SPTLC3: variants seen among roughly 807,000 people sequenced by gnomAD.
The protein encoded by SPTLC3 is serine palmitoyltransferase 3.
Under a neutral mutation model 59.3 loss-of-function variants are expected in SPTLC3, and 36 were observed. The ratio of observed to expected loss-of-function variants is 0.61; its 90% CI spans 0.47 to 0.80. The LOEUF is 0.80. Among genes scored for constraint, SPTLC3 ranks in the 30% least tolerant of loss-of-function variants. The pLI, the probability that SPTLC3 is intolerant of heterozygous loss-of-function variation, is 0.00. For synonymous variants in SPTLC3, 257 were observed against 240.8 expected, an observed-to-expected ratio of 1.07 and a Z score of -0.62; for missense variants, 625 against 685.1, an observed-to-expected ratio of 0.91 and a Z score of 0.98.
chr20:13,037,724 G>C (rs1986797488), intron 1 of SPTLC3, among the ~76,000 whole-genome samples: 1 of 152,102 alleles, frequency 6.6e-6, no homozygotes, highest in Non-Finnish European at 1.5e-5. Flanking sequence ...TAGATGGGTG[G>C]ATTAATCAGG....
At chr20:13,160,795 A>G (rs995952079) in intron 11 of SPTLC3, among the ~76,000 whole-genome samples, 2 of 152,238 alleles carry the variant, frequency 1.3e-5, no homozygotes, top group African/African-American at 4.8e-5. Flanking sequence ...CAACACATAT[A>G]ATACCAGACA....
At chr20:13,072,911 T>C (rs1328509061) in intron 3 of SPTLC3, among the ~76,000 whole-genome samples, 1 of 152,230 alleles carries the variant, frequency 6.6e-6, no homozygotes, top group Non-Finnish European at 1.5e-5. Context: ...GGGAAAACCA[T>C]TTTTTGGTAA....
chr20:13,027,641 GCACACA>G (rs57913044), intron 1 of SPTLC3, among the ~76,000 whole-genome samples: 30,805 of 143,824 alleles, frequency 0.21, 3,562 homozygotes, highest in South Asian at 0.4. Flanking sequence ...ATTTCAGCAC[GCACACA>G]CACACACACA....
At chr20:13,017,990 G>A (rs1344165924) in intron 1 of SPTLC3, among the ~76,000 whole-genome samples, 1 of 152,162 alleles carries the variant, frequency 6.6e-6, no homozygotes. Context: ...AGTTCAAGGA[G>A]AGAAACCAAG....
chr20:13,043,214 C>G (rs1185351056), intron 1 of SPTLC3, among the ~76,000 whole-genome samples: 1 of 152,150 alleles, frequency 6.6e-6, no homozygotes, highest in South Asian at 2.1e-4. Flanking sequence ...CAGAAAGGAA[C>G]ATGGCCCTCT....
chr20:13,057,782 A>C (rs1987788311), intron 2 of SPTLC3, among the ~76,000 whole-genome samples: 1 of 152,256 alleles, frequency 6.6e-6, no homozygotes, highest in Non-Finnish European at 1.5e-5. Context: ...TTTTAATAAA[A>C]GACAACTTTA....
chr20:13,076,449 A>G (rs947848114), intron 4 of SPTLC3, among the ~76,000 whole-genome samples: 4 of 152,228 alleles, frequency 2.6e-5, no homozygotes, highest in Non-Finnish European at 5.9e-5. Flanking sequence ...TTGAGAACCT[A>G]CAAGTTCATG....
rs1326837454 is a variant in SPTLC3, at chr20:13,165,812, A to C, written c.*945A>C. 5 of 152,208 alleles carry C rather than the reference A, an allele frequency of 3.3e-5. No individual in the cohort carries two copies. Among genetic ancestry groups the C allele is most frequent in the African/African-American group, 1.2e-4 (5 of 41,442 alleles). The allele number at this position is 152,208 out of a possible 1,614,324, so 9.4% of individuals were successfully genotyped here. A position where few individuals can be genotyped will look rare whatever the true frequency, so the allele number is the denominator to read the frequency against. On this transcript the variant is annotated 3_prime_UTR_variant, in exon 12 of 12. Coordinates refer to ENST00000399002, the MANE Select transcript of SPTLC3 (RefSeq NM_018327.4). ...ATTTGAAGAATGCATTGATTCAAGA[A>C]GGACATTTAAAAGCAAATTCTGACT... is the stretch of plus-strand genomic sequence containing the variant.
At chr20:13,045,031 A>T (rs71339369) in intron 1 of SPTLC3, among the ~76,000 whole-genome samples, 1 of 113,720 alleles carries the variant, frequency 8.8e-6, no homozygotes, top group Non-Finnish European at 2.0e-5. Flanking sequence ...ACACACACAC[A>T]CACACCCTAC....
intron 9 of SPTLC3, chr20:13,132,937 C>G (rs1018350966): frequency 1.3e-5 from 2 of 153,724 alleles, no homozygotes; most frequent in African/African-American, 4.8e-5. Flanking sequence ...AGCCTGTCCC[C>G]CGCCTGTCCT....
At position 13,082,733 on chromosome 20, in the gene SPTLC3, G is replaced by A. The variant is rs566545288; in HGVS notation, c.607+8236G>A. Among the ~76,000 whole-genome samples the A allele has an allele frequency of 1.3e-4, 20 of 152,278 alleles. No homozygotes were observed. In the East Asian group the frequency reaches 2.7e-3, roughly 21 times the overall value. ...AGAAAATAAATCCTCCAGATTTATA[G>A]CACTGAGCCACATTTCCAAATCTCA... On this transcript the variant is annotated intron_variant, in intron 4 of 11. Coordinates refer to ENST00000399002, the MANE Select transcript of SPTLC3 (RefSeq NM_018327.4).
chr20:13,052,181 C>G (rs536260495), intron 2 of SPTLC3, among the ~76,000 whole-genome samples: 2 of 152,254 alleles, frequency 1.3e-5, no homozygotes, highest in East Asian at 3.9e-4. Context: ...CGGGGCTCAT[C>G]TCACTGGGAC....
chr20:13,085,433 A>AT lies in SPTLC3; in HGVS notation c.608-5649dup, dbSNP rs1988973673. On this transcript the variant is annotated intron_variant, in intron 4 of 11. Transcript: ENST00000399002. ...TACCAGTTCAAGCAAAGTGGCACAGATGTGAACTCATAGCTCTGACTCACA... is the reference window on the plus strand; with the variant it reads ...TACCAGTTCAAGCAAAGTGGCACAGATTGTGAACTCATAGCTCTGACTCACA... Among the ~76,000 whole-genome samples the AT allele has an allele frequency of 2.0e-5, 3 of 152,106 alleles. No homozygotes were observed. The South Asian group carries it at 6.2e-4, about 32-fold the overall frequency.
At chr20:13,045,305 C>T (rs893642187) in intron 1 of SPTLC3, among the ~76,000 whole-genome samples, 3 of 151,892 alleles carry the variant, frequency 2.0e-5, no homozygotes, top group East Asian at 1.9e-4. Context: ...TTTAAGGCTG[C>T]GAAAGAAAAG....
At chr20:13,040,671 G>A (rs961986714) in intron 1 of SPTLC3, among the ~76,000 whole-genome samples, 3 of 151,212 alleles carry the variant, frequency 2.0e-5, no homozygotes, top group Non-Finnish European at 2.9e-5. Flanking sequence ...AATCACCTTT[G>A]CCTGTGCCCC....
chr20:13,075,808 A>G (rs1274728947), intron 4 of SPTLC3, among the ~76,000 whole-genome samples: 1 of 152,206 alleles, frequency 6.6e-6, no homozygotes, highest in African/African-American at 2.4e-5. Flanking sequence ...ATGACCAGCC[A>G]GAAGACACAT....
In SPTLC3 at chr20:13,091,160, A is replaced by G; in HGVS notation, c.685A>G (p.Met229Val). ...TGTGGAAGCAGCTATGGTCTTTGGG[A>G]TGGGATTCGCAACTAACTCAATGAA... ...LNVEAAMVFG[M>V]GFATNSMNIP... The change falls in exon 5 of 12, where the codon ATG (methionine) becomes GTG (valine). Residue 229 changes from methionine (M) to valine (V), a missense_variant. Met to Val is a conservative substitution (Grantham distance 21). Transcript: ENST00000399002. The G allele has an allele frequency of 6.2e-7, 1 of 1,613,932 alleles. No individual in the cohort carries two copies. Among genetic ancestry groups the G allele is most frequent in the Non-Finnish European group, 8.5e-7 (1 of 1,179,888 alleles).
intron 6 of SPTLC3, among the ~76,000 whole-genome samples, chr20:13,109,431 T>C (rs950090907): frequency 2.0e-5 from 3 of 152,194 alleles, no homozygotes; most frequent in African/African-American, 7.2e-5. Flanking sequence ...TGTGTCTCAG[T>C]TTCCTGAACC....
At chr20:13,012,940 A>T (rs1985331150) in intron 1 of SPTLC3, among the ~76,000 whole-genome samples, 1 of 152,202 alleles carries the variant, frequency 6.6e-6, no homozygotes, top group Non-Finnish European at 1.5e-5. Flanking sequence ...TGAGGGGCAA[A>T]TGAGGAAAAG....
Sources: gnomAD v4.1 joint callset for allele counts (sites outside exome capture counted in the v4.1 genomes callset) on GRCh38, gnomAD v4.1.1 for gene constraint, MANE v1.5 for transcripts, NCBI Gene and HGNC (gene_info 2026-07-23, HGNC 2026-07-21) for gene names.